SEL1L3: variants seen among roughly 807,000 people sequenced by gnomAD.
SEL1L3 encodes the protein protein sel-1 homolog 3.
Under a neutral mutation model 142.8 loss-of-function variants are expected in SEL1L3, and 76 were observed. The ratio of observed to expected loss-of-function variants is 0.53; its 90% CI spans 0.44 to 0.64. The LOEUF is 0.64. Ranked by LOEUF, SEL1L3 falls within the 30% of genes least tolerant of loss-of-function variation. The pLI is 0.00. For synonymous variants in SEL1L3, 504 were observed against 519.6 expected (o/e 0.97, Z 0.41); for missense variants, 1,262 against 1,381.7 (o/e 0.91, Z 1.37).
rs779514563 is a variant in SEL1L3, at chr4:25,847,696, C to A, written c.331G>T (p.Val111Phe). The A allele has an allele frequency of 1.2e-6, 2 of 1,613,886 alleles. No individual in the cohort carries two copies. The highest frequency in any genetic ancestry group is 1.1e-5 in the South Asian group (1 of 91,076). ...GATGAAACAACTGCTTCCAAATTGA[C>A]AACACAAGGCTGAGAGCATAAATAC... ...VEYLCSQPCV[V>F]NLEAVVSSEF... Residue 111 changes from valine to phenylalanine, a missense_variant, in exon 2 of 24, where the codon GTC becomes TTC. By Grantham distance (50) the Val-to-Phe change is conservative. This residue lies in a region of SEL1L3 where 689 missense variants were observed against 692.8 expected (regional missense o/e 0.99). Transcript: ENST00000399878.
At chr4:25,832,583 C>A (rs1195803579) in intron 5 of SEL1L3, among the ~76,000 whole-genome samples, 2 of 152,158 alleles carry the variant, frequency 1.3e-5, no homozygotes, top group African/African-American at 4.8e-5. Flanking sequence ...GCAGTCAAAT[C>A]ATTTCTTGGC....
chr4:25,833,351 T>C (rs928488050), intron 4 of SEL1L3, 97 bp downstream of exon 4: 2 of 1,221,154 alleles, frequency 1.6e-6, no homozygotes, highest in African/African-American at 3.0e-5. Context: ...GGCTGCCATG[T>C]TGACAGGATC....
At chr4:25,822,276 A>G in intron 6 of SEL1L3, 148 bp from the exon 7 acceptor site, 4 of 874,350 alleles carry the variant, frequency 4.6e-6, no homozygotes, top group Non-Finnish European at 5.3e-6. Flanking sequence ...GCGTAGGGTC[A>G]GGTGGACTTC....
intron 11 of SEL1L3, among the ~76,000 whole-genome samples, chr4:25,796,349 G>C (rs1712748436): frequency 6.6e-6 from 1 of 151,966 alleles, no homozygotes; most frequent in Admixed American, 6.6e-5. Context: ...AATCCTAGCA[G>C]TTTGGGAGGC....
At chr4:25,738,479 C>T in the SEL1L3 span, among the ~76,000 whole-genome samples, 1,101 of 152,268 alleles carry the variant, frequency 7.2e-3, 9 homozygotes, top group Non-Finnish European at 0.012. Flanking sequence ...TTTCATACAT[C>T]TCATTAAAGA....
chr4:25,788,279 G>C lies in SEL1L3; in HGVS notation c.2162C>G (p.Ala721Gly), dbSNP rs1712003537. ...EAAIEWYAKG[A>G]LETEDPALIY... ...TAACGCAGGATCCTCCGTCTCCAGG[G>C]CGCCCTTGGCGTACCACTCAATTGC... is the stretch of plus-strand genomic sequence containing the variant. Residue 721 changes from alanine to glycine, a missense_variant, in exon 13 of 24, where the codon GCC becomes GGC. By Grantham distance (60) the Ala-to-Gly change is moderately conservative (BLOSUM62 0). Coordinates refer to ENST00000399878, the MANE Select transcript of SEL1L3 (RefSeq NM_015187.5). The surrounding 1 kb of genome is among the most constrained non-coding windows in gnomAD (Gnocchi z 5.3). 1 of 1,613,918 alleles carries C rather than the reference G, an allele frequency of 6.2e-7. No homozygotes were observed. The highest frequency in any genetic ancestry group is 8.5e-7 in the Non-Finnish European group (1 of 1,179,860).
At chr4:25,776,013 A>G (rs945299794) in intron 17 of SEL1L3, among the ~76,000 whole-genome samples, 1 of 152,234 alleles carries the variant, frequency 6.6e-6, no homozygotes, top group Admixed American at 6.5e-5. Context: ...TAAAGGAAAG[A>G]GAAATCAATG....
the SEL1L3 span, among the ~76,000 whole-genome samples, chr4:25,731,191 C>T: frequency 1.3e-5 from 2 of 152,138 alleles, no homozygotes; most frequent in Non-Finnish European, 2.9e-5. Flanking sequence ...TCTTGTTTAA[C>T]ACTTGTGCTT....
intron 8 of SEL1L3, among the ~76,000 whole-genome samples, chr4:25,819,333 GGATTTAAAAAATAAAACC>G (rs1714602988): frequency 7.2e-6 from 1 of 139,048 alleles, no homozygotes; most frequent in East Asian, 2.0e-4. Flanking sequence ...TCAATTTCAA[GGATTTAAAAAATAAAACC>G]AAGCTCCAAA....
At chr4:25,757,456 C>CAAA (rs1560277078) in intron 23 of SEL1L3, 78 bp downstream of exon 23, 22 of 527,118 alleles carry the variant, frequency 4.2e-5, no homozygotes, top group East Asian at 1.6e-4. Context: ...TTCCAGTAGA[C>CAAA]CAAAAAAAAA....
At chr4:25,822,513 G>A (rs1411569332) in intron 6 of SEL1L3, among the ~76,000 whole-genome samples, 1 of 152,170 alleles carries the variant, frequency 6.6e-6, no homozygotes, top group African/African-American at 2.4e-5. Flanking sequence ...CAGAATCAAT[G>A]GAATTGTCTG....
chr4:25,787,469 G>A (rs527345107), intron 13 of SEL1L3, among the ~76,000 whole-genome samples: 4 of 152,100 alleles, frequency 2.6e-5, no homozygotes, highest in South Asian at 2.1e-4. Flanking sequence ...TACAGGCACA[G>A]CCACCACACC....
chr4:25,829,891 G>GA (rs2109277009), intron 6 of SEL1L3, among the ~76,000 whole-genome samples: 1 of 151,858 alleles, frequency 6.6e-6, no homozygotes, highest in African/African-American at 2.4e-5. Context: ...TTCTTGCTCA[G>GA]AAAAAAAGGT....
intron 12 of SEL1L3, among the ~76,000 whole-genome samples, chr4:25,790,203 C>T (rs545664775): frequency 2.0e-4 from 31 of 152,292 alleles, no homozygotes; most frequent in African/African-American, 7.2e-4. Flanking sequence ...TGGGCAGAAG[C>T]GTTAGCCAGC....
rs1001078087 is a variant in SEL1L3, at chr4:25,847,405, T to G, written c.622A>C (p.Ile208Leu). The G allele has an allele frequency of 3.1e-6, 5 of 1,613,888 alleles. No homozygotes were observed. Among genetic ancestry groups the G allele is most frequent in the Non-Finnish European group, 3.4e-6 (4 of 1,179,900 alleles). Residue 208 changes from isoleucine (I) to leucine (L), a missense_variant, in exon 2 of 24, where the codon ATC becomes CTC. Around this residue, in one of 3 missense-constraint regions of SEL1L3, gnomAD observed 689 missense variants for 692.8 expected, o/e 0.99. Transcript: ENST00000399878. Reference sequence around the variant, plus strand: ...TTGAAAGGGCGTTCAAAAGGCGGGATGGTCTGCAGGAGGGTATAATTCTTT... The same window carrying G: ...TTGAAAGGGCGTTCAAAAGGCGGGAGGGTCTGCAGGAGGGTATAATTCTTT... ...VAKNYTLLQT[I>L]PPFERPFKDH...
intron 23 of SEL1L3, 117 bp downstream of exon 23, chr4:25,757,417 C>G (rs1034965133): frequency 1.3e-6 from 1 of 766,162 alleles, no homozygotes; most frequent in African/African-American, 2.0e-5. Flanking sequence ...ATAGCATGAC[C>G]AACAGCACCA....
chr4:25,808,315 C>T (rs1176392780), intron 9 of SEL1L3, among the ~76,000 whole-genome samples: 5 of 152,212 alleles, frequency 3.3e-5, no homozygotes. Flanking sequence ...GCCACCACCA[C>T]CACTAATTAC....
chr4:25,769,169 G>A (rs1259816778), intron 17 of SEL1L3, among the ~76,000 whole-genome samples: 2 of 152,102 alleles, frequency 1.3e-5, no homozygotes, highest in East Asian at 1.9e-4. Flanking sequence ...TTTAGGAAAC[G>A]GTGGGGAAAG....
intron 23 of SEL1L3, among the ~76,000 whole-genome samples, chr4:25,752,214 C>T (rs1717645658): frequency 6.7e-6 from 1 of 150,166 alleles, no homozygotes; most frequent in South Asian, 2.1e-4. Context: ...GTCAGGAGTT[C>T]AAGACCAGCA....
Sources: allele counts gnomAD v4.1 joint callset (sites outside exome capture counted in the v4.1 genomes callset), GRCh38; gene constraint gnomAD v4.1.1; regional missense constraint gnomAD v4.1.1; non-coding constraint Gnocchi (gnomAD v3.1); transcripts MANE v1.5; gene names NCBI Gene and HGNC (gene_info 2026-07-23, HGNC 2026-07-21).